The following PCDHGA3 variants were observed in gnomAD, a reference collection of about 807,000 sequenced individuals.
PCDHGA3 encodes the protein protocadherin gamma-A3.
In PCDHGA3, 40 loss-of-function variants were observed where a neutral mutation model predicts 58.5. That is an observed-to-expected ratio of 0.68 (90% CI 0.53 to 0.89). The LOEUF is 0.89. PCDHGA3 is among the 40% of genes least tolerant of loss of function. PCDHGA3 has a pLI of 0.00. For missense variants in PCDHGA3, 1,223 were observed against 1,195.9 expected (o/e 1.02, Z -0.33); for synonymous variants, 530 against 525.7 (o/e 1.01, Z -0.11).
At chr5:141,370,557 G>A (rs1439774902) in intron 1 of PCDHGA3, 1 of 1,613,966 alleles carries the variant, frequency 6.2e-7, no homozygotes, top group East Asian at 2.2e-5. Context: ...CAAGGACCTG[G>A]GGTTTGGCGT....
chr5:141,363,615 G>T (rs973220215), intron 1 of PCDHGA3, among the ~76,000 whole-genome samples: 10 of 152,342 alleles, frequency 6.6e-5, no homozygotes, highest in Admixed American at 3.9e-4. Context: ...TGAGATAGTG[G>T]AGAGACTTTC....
intron 1 of PCDHGA3, chr5:141,394,727 C>G (rs971156422): frequency 8.7e-6 from 14 of 1,613,436 alleles, no homozygotes; most frequent in Middle Eastern, 1.6e-4. Flanking sequence ...GAGATGCGCT[C>G]AAGCAGAGCC....
chr5:141,390,544 G>A, intron 1 of PCDHGA3: 1 of 505,664 alleles, frequency 2.0e-6, no homozygotes, highest in Non-Finnish European at 3.5e-6. Flanking sequence ...ACCACAAAGT[G>A]AAAGTGTTAG....
intron 1 of PCDHGA3, chr5:141,372,620 C>T: frequency 6.2e-7 from 1 of 1,613,992 alleles, no homozygotes. Flanking sequence ...TTCTCCCCAC[C>T]TACAGCGAAA....
At chr5:141,461,740 G>A (rs770518286) in intron 1 of PCDHGA3, among the ~76,000 whole-genome samples, 4 of 152,072 alleles carry the variant, frequency 2.6e-5, no homozygotes, top group Non-Finnish European at 2.9e-5. Context: ...GCACAATCCC[G>A]GCTCCCAGAT....
rs183549806 is a variant in PCDHGA3 at position 141,487,760 on chromosome 5, G to A, written c.2425-7047G>A. ...TGTAAGAGGTAACTATGTGGTAGAC[G>A]CTGTGCTTTGTAACTGTTTCGTGAA... On this transcript the variant is annotated intron_variant, in intron 1 of 3. Transcript: ENST00000253812. The surrounding 1 kb of genome is among the most constrained non-coding windows in gnomAD (Gnocchi z 5.0). 42 of 1,545,950 alleles carry A rather than the reference G, an allele frequency of 2.7e-5. No homozygotes were observed. The African/African-American group carries it at 3.8e-4, about 14-fold the overall frequency.
chr5:141,371,882 G>A, intron 1 of PCDHGA3: 2 of 1,613,432 alleles, frequency 1.2e-6, no homozygotes, highest in South Asian at 1.1e-5. Context: ...CCAGTGACCT[G>A]GAGCCGCGGG....
At chr5:141,465,644 A>G (rs1320011410) in intron 1 of PCDHGA3, among the ~76,000 whole-genome samples, 2 of 152,186 alleles carry the variant, frequency 1.3e-5, no homozygotes, top group African/African-American at 4.8e-5. Context: ...TGCTTTGAAC[A>G]TCCCAAAAAA....
intron 1 of PCDHGA3, chr5:141,366,547 C>T: frequency 6.2e-7 from 1 of 1,614,240 alleles, no homozygotes; most frequent in Non-Finnish European, 8.5e-7. Flanking sequence ...CCGCCTCGCA[C>T]TTTGTGGGCG....
chr5:141,371,887 C>G (rs372336757), intron 1 of PCDHGA3: 41 of 1,613,306 alleles, frequency 2.5e-5, no homozygotes, highest in Non-Finnish European at 3.4e-5. Context: ...GACCTGGAGC[C>G]GCGGGAGCTG....
chr5:141,361,678 T>G lies in PCDHGA3; in HGVS notation c.2424+15221T>G, dbSNP rs192424877. The G allele has an allele frequency of 1.4e-4, 224 of 1,613,592 alleles. 3 individuals carry two copies. The South Asian group carries it at 2.0e-3, about 15-fold the overall frequency. ...CGTGAGCGCGCAGAGCGGGGTGGTG[T>G]TCGCGCAGCGCGCCTTCGATCATGA... On this transcript the variant is annotated intron_variant, in intron 1 of 3. Transcript: ENST00000253812.
chr5:141,364,948 T>C, intron 1 of PCDHGA3: 1 of 1,613,922 alleles, frequency 6.2e-7, no homozygotes, highest in Admixed American at 1.7e-5. Flanking sequence ...AGAAAGAGAC[T>C]GTTCACGACC....
At chr5:141,405,359 GAC>G in intron 1 of PCDHGA3, 1 of 1,614,018 alleles carries the variant, frequency 6.2e-7, no homozygotes, top group Admixed American at 1.7e-5. Context: ...TCCTATAGAA[GAC>G]ACCCCTTTGG....
chr5:141,430,480 A>G (rs2097288752), intron 1 of PCDHGA3: 1 of 256,116 alleles, frequency 3.9e-6, no homozygotes, highest in Admixed American at 5.4e-5. Context: ...TTAAGATATA[A>G]AAACGAAATA....
intron 1 of PCDHGA3, chr5:141,356,408 G>T (rs375778889): frequency 6.3e-7 from 1 of 1,595,544 alleles, no homozygotes; most frequent in South Asian, 1.1e-5. Context: ...AATTATTATC[G>T]GTTGTTGACA....
At position 141,485,651 on chromosome 5, in the gene PCDHGA3, G is replaced by A. The variant is rs752827268; in HGVS notation, c.2425-9156G>A. The A allele has an allele frequency of 6.8e-6, 11 of 1,612,228 alleles. No individual in the cohort carries two copies. The Admixed American group carries it at 1.3e-4, about 20-fold the overall frequency. ...TTTCCCGTTGGAAAAGGCTCAGGATGCAGATGTGGGGAGCAATTCGATTAG... is the reference window on the plus strand; with the variant it reads ...TTTCCCGTTGGAAAAGGCTCAGGATACAGATGTGGGGAGCAATTCGATTAG... On this transcript the variant is annotated intron_variant, in intron 1 of 3. Transcript: ENST00000253812. This position sits in a 1 kb window ranked among gnomAD's most constrained non-coding sequence, Gnocchi z 5.7.
chr5:141,390,513 A>G lies in PCDHGA3; in HGVS notation c.2424+44056A>G. ...TTTTTAGCCAAGCTTAGATTTATAA[A>G]GCAATGAGGGTGTGGTTTTAACCAC... is the stretch of plus-strand genomic sequence containing the variant. On this transcript the variant is annotated intron_variant, in intron 1 of 3. Coordinates refer to ENST00000253812, the MANE Select transcript of PCDHGA3 (RefSeq NM_018916.4). The G allele has an allele frequency of 1.0e-5, 6 of 581,214 alleles. No homozygotes were observed. The South Asian group carries it at 1.1e-4, about 10-fold the overall frequency. The allele number at this position is 581,214 out of a possible 1,614,324, so 36.0% of individuals were successfully genotyped here.
At chr5:141,419,547 T>C (rs2096397603) in intron 1 of PCDHGA3, 6 of 1,612,070 alleles carry the variant, frequency 3.7e-6, no homozygotes, top group Non-Finnish European at 5.1e-6. Context: ...CCGCGGGTGC[T>C]GTACCCTGCG....
chr5:141,413,014 A>T, intron 1 of PCDHGA3: 1 of 663,842 alleles, frequency 1.5e-6, no homozygotes, highest in Non-Finnish European at 2.4e-6. Context: ...CTTCAACTAC[A>T]CAAGCCCCAC....
Sources: gnomAD v4.1 joint callset for allele counts (sites outside exome capture counted in the v4.1 genomes callset) on GRCh38, gnomAD v4.1.1 for gene constraint, Gnocchi (gnomAD v3.1) non-coding constraint, MANE v1.5 for transcripts, NCBI Gene and HGNC (gene_info 2026-07-23, HGNC 2026-07-21) for gene names.